Variants in STT3B observed in about 807,000 individuals in gnomAD.
The protein encoded by STT3B is STT3 oligosaccharyltransferase complex catalytic subunit B.
STT3B carries 29 observed loss-of-function variants against 96.8 expected under a neutral mutation model. The ratio of observed to expected loss-of-function variants is 0.30; its 90% CI spans 0.22 to 0.41. STT3B has a LOEUF of 0.41. Ranked by LOEUF, STT3B falls within the 10% of genes least tolerant of loss-of-function variation. The pLI is 1.00. For synonymous variants in STT3B, 367 were observed against 360.0 expected (o/e 1.02, Z -0.22); for missense variants, 640 against 1,022.3 (o/e 0.63, Z 5.10).
chr3:31,536,344 G>A (rs573168471), intron 1 of STT3B, among the ~76,000 whole-genome samples: 3 of 152,214 alleles, frequency 2.0e-5, no homozygotes, highest in Admixed American at 1.3e-4. Flanking sequence ...ATATCATATA[G>A]CAATGGCACA....
In STT3B at chr3:31,617,429, C is replaced by T. The variant is rs60546711; in HGVS notation, c.1123+354C>T. Among the ~76,000 whole-genome samples, 1,407 of 151,946 alleles carry T rather than the reference C, an allele frequency of 9.3e-3. 12 individuals are homozygous for T. The highest frequency in any genetic ancestry group is 0.032 in the African/African-American group (1,329 of 41,514). ...ATCAGTTTCAGTCTGCTTCTGGATT[C>T]TAAGTTACCCTCTAACCTTTATTTA... On this transcript the variant is annotated intron_variant, in intron 7 of 15. Transcript: ENST00000295770.
Position 31,619,793 on chromosome 3 carries a change from G to T in STT3B, c.1290G>T (p.Trp430Cys). 1 of 1,612,642 alleles carries T rather than the reference G, an allele frequency of 6.2e-7. No homozygotes were observed. The highest frequency in any genetic ancestry group is 8.5e-7 in the Non-Finnish European group (1 of 1,179,640). Residue 430 changes from tryptophan (W) to cysteine (C), a missense_variant, in exon 9 of 16, where the codon TGG becomes TGT. By Grantham distance (215) the Trp-to-Cys change is radical. This residue lies in a region of STT3B where 33 missense variants were observed against 43.1 expected (regional missense o/e 0.77). Transcript: ENST00000295770. ...TATGTACCTTCCCAGCAGGCCTTTG[G>T]TTCTGCATCAAAAATATCAACGATG... ...ILVCTFPAGL[W>C]FCIKNINDER...
At position 31,590,142 on chromosome 3, in the gene STT3B, T is replaced by G. The variant is rs529296037; in HGVS notation, c.712-6656T>G. ...TGTCGGCAGAAATTGTTCATAATAT[T>G]TCTTTATAAGTCTTTGGATTTCTGT... On this transcript the variant is annotated intron_variant, in intron 3 of 15. Transcript: ENST00000295770. Among the ~76,000 whole-genome samples the G allele has an allele frequency of 4.6e-5, 7 of 152,154 alleles. No homozygotes were observed. In the South Asian group the frequency reaches 1.5e-3, roughly 32 times the overall value.
chr3:31,586,975 T>C (rs372043487), intron 3 of STT3B, among the ~76,000 whole-genome samples: 1 of 152,154 alleles, frequency 6.6e-6, no homozygotes, highest in East Asian at 1.9e-4. Context: ...GTTATCTTAA[T>C]ATGTAGTCTT....
rs570860058 is a variant in STT3B at position 31,635,853 on chromosome 3, C to A, written c.2401-131C>A. On this transcript the variant is annotated intron_variant, in intron 15 of 15. Transcript: ENST00000295770. ...GTTTAGTGGTGTTCACTGAACTATT[C>A]AAGGAATCCAGTCACAAGAAGAGCA... The A allele has an allele frequency of 2.3e-4, 142 of 607,558 alleles. No homozygotes were observed. The African/African-American group carries it at 2.3e-3, about 10-fold the overall frequency. The allele number at this position is 607,558 out of a possible 1,614,324, so 37.6% of individuals were successfully genotyped here. A position where few individuals can be genotyped will look rare whatever the true frequency, so the allele number is the denominator to read the frequency against.
At position 31,623,738 on chromosome 3, in the gene STT3B, T is replaced by C. The variant is rs561872625; in HGVS notation, c.1604T>C (p.Ile535Thr). The C allele has an allele frequency of 3.7e-6, 6 of 1,613,996 alleles. No homozygotes were observed. In the South Asian group the frequency reaches 5.5e-5, roughly 15 times the overall value. Residue 535 changes from isoleucine (I) to threonine (T), a missense_variant, in exon 11 of 16, where the codon ATA (isoleucine) becomes ACA (threonine). Physicochemically the swap from Ile to Thr is moderately conservative, Grantham distance 89 (BLOSUM62 -1). This residue lies in a region of STT3B where 149 missense variants were observed against 250.2 expected (regional missense o/e 0.60). Transcript: ENST00000295770. ...ACTGAAGAGGGATTAGGCCCTAATA[T>C]AAAAAGCATTGTCACCATGTTGATG... ...EKTEEGLGPN[I>T]KSIVTMLMLM...
chr3:31,615,347 G>C (rs539953471), intron 6 of STT3B, 144 bp downstream of exon 6: 6 of 623,938 alleles, frequency 9.6e-6, no homozygotes, highest in South Asian at 4.1e-5. Flanking sequence ...GAAATCTGTA[G>C]ATAAAAATTT....
At chr3:31,588,761 TAAAA>T (rs1010635568) in intron 3 of STT3B, among the ~76,000 whole-genome samples, 9 of 152,176 alleles carry the variant, frequency 5.9e-5, no homozygotes, top group African/African-American at 2.2e-4. Flanking sequence ...CATTATTTGT[TAAAA>T]AAATTATTCT....
At chr3:31,586,004 GGTTTAACTTTATAAAAAGCTGCCAA>G (rs1225161861) in intron 3 of STT3B, among the ~76,000 whole-genome samples, 1 of 151,980 alleles carries the variant, frequency 6.6e-6, no homozygotes, top group Non-Finnish European at 1.5e-5. Flanking sequence ...GATAAGTATA[GGTTTAACTTTATAAAAAGCTGCCAA>G]GCAGTTTGCC....
At chr3:31,542,267 T>C (rs1309477584) in intron 1 of STT3B, among the ~76,000 whole-genome samples, 2 of 152,162 alleles carry the variant, frequency 1.3e-5, no homozygotes, top group African/African-American at 4.8e-5. Flanking sequence ...AAGAAGGCAT[T>C]GGTTGCTTGA....
In STT3B at chr3:31,596,874, A is replaced by G. The variant is rs537758327; in HGVS notation, c.777+11A>G. 2.9e-5 allele frequency: 47 copies of G among 1,602,600 alleles called. No homozygotes were observed. The highest frequency in any genetic ancestry group is 3.5e-5 in the Non-Finnish European group (41 of 1,170,822). ...TCCTATTTCTATATGGTAAGATTTC[A>G]TATTTGAGACTACATGAAGTCTAGT... On this transcript the variant is annotated intron_variant, in intron 4 of 15. Coordinates refer to ENST00000295770, the MANE Select transcript of STT3B (RefSeq NM_178862.3).
At chr3:31,613,817 C>T (rs990100687) in intron 5 of STT3B, among the ~76,000 whole-genome samples, 105 of 151,956 alleles carry the variant, frequency 6.9e-4, no homozygotes, top group Non-Finnish European at 4.0e-4. Context: ...GGTTTGGGTA[C>T]GTCATAGAGG....
chr3:31,533,976 A>G (rs185488882), intron 1 of STT3B, among the ~76,000 whole-genome samples: 387 of 152,308 alleles, frequency 2.5e-3, no homozygotes, highest in African/African-American at 9.0e-3. Context: ...TCTGAAAGCT[A>G]GCTACTCTTA....
At chr3:31,563,280 A>C (rs1295186024) in intron 1 of STT3B, among the ~76,000 whole-genome samples, 4 of 152,206 alleles carry the variant, frequency 2.6e-5, no homozygotes, top group Non-Finnish European at 4.4e-5. Context: ...GCTTATCTAA[A>C]CTAGTAGAGC....
intron 3 of STT3B, among the ~76,000 whole-genome samples, chr3:31,585,015 A>G (rs965829303): frequency 3.9e-5 from 6 of 152,284 alleles, no homozygotes; most frequent in Middle Eastern, 3.4e-3. Flanking sequence ...GTAATCTCTA[A>G]TATATAAATG....
rs767679837 is a variant in STT3B, at chr3:31,636,000, G to A, written c.2417G>A (p.Arg806His). Reference protein sequence around the residue: ...YLSKKTTKRKRGYIKNKLVFK... With the variant: ...YLSKKTTKRKHGYIKNKLVFK... ...TTTTTATAGACTACCAAAAGGAAGCGTGGCTACATTAAAAATAAGCTGGTT... is the reference window on the plus strand; with the variant it reads ...TTTTTATAGACTACCAAAAGGAAGCATGGCTACATTAAAAATAAGCTGGTT... Residue 806 changes from arginine to histidine, a missense_variant, in exon 16 of 16, where the codon CGT (arginine) becomes CAT (histidine). Arg to His is a conservative substitution (Grantham distance 29). Transcript: ENST00000295770. 25 of 1,605,736 alleles carry A rather than the reference G, an allele frequency of 1.6e-5. No homozygotes were observed. Among genetic ancestry groups the A allele is most frequent in the Non-Finnish European group, 2.0e-5 (23 of 1,176,256 alleles).
intron 4 of STT3B, among the ~76,000 whole-genome samples, chr3:31,599,028 C>T (rs575103282): frequency 6.2e-4 from 95 of 152,220 alleles, no homozygotes; most frequent in African/African-American, 1.9e-3. Flanking sequence ...AGACTGGTCT[C>T]GAACTCCTGA....
At chr3:31,620,580 T>G (rs1365247549) in intron 9 of STT3B, among the ~76,000 whole-genome samples, 1 of 152,184 alleles carries the variant, frequency 6.6e-6, no homozygotes, top group Non-Finnish European at 1.5e-5. Context: ...TATTTCCAAC[T>G]AATAAGACTT....
intron 5 of STT3B, among the ~76,000 whole-genome samples, chr3:31,612,370 T>G (rs1378002444): frequency 6.6e-6 from 1 of 152,210 alleles, no homozygotes; most frequent in African/African-American, 2.4e-5. Flanking sequence ...ATGTTTGGAT[T>G]GTTGTAGATA....
Sources: allele counts gnomAD v4.1 joint callset (sites outside exome capture counted in the v4.1 genomes callset), GRCh38; gene constraint gnomAD v4.1.1; regional missense constraint gnomAD v4.1.1; transcripts MANE v1.5; gene names NCBI Gene and HGNC (gene_info 2026-07-23, HGNC 2026-07-21).